TAFA2: variants seen among roughly 807,000 people sequenced by gnomAD.
TAFA2 encodes TAFA chemokine like family member 2, also known as chemokine-like protein TAFA-2.
In TAFA2, 7 loss-of-function variants were observed where a neutral mutation model predicts 18.8. The ratio of observed to expected loss-of-function variants is 0.37; its 90% CI spans 0.21 to 0.70. The LOEUF is 0.70. Ranked by LOEUF, TAFA2 falls within the 30% of genes least tolerant of loss-of-function variation. The pLI is 0.53. For synonymous variants in TAFA2, 60 were observed against 54.2 expected (o/e 1.11, Z -0.47); for missense variants, 122 against 158.1 (o/e 0.77, Z 1.23).
chr12:62,011,901 T>A (rs949760819), intron 1 of TAFA2, among the ~76,000 whole-genome samples: 6 of 152,186 alleles, frequency 3.9e-5, no homozygotes, highest in African/African-American at 1.4e-4. Context: ...TAAAGCTGAC[T>A]TCACATTTGT....
At chr12:62,120,075 TA>T (rs921086668) in intron 1 of TAFA2, among the ~76,000 whole-genome samples, 37 of 146,402 alleles carry the variant, frequency 2.5e-4, no homozygotes, top group African/African-American at 6.5e-4. Flanking sequence ...AAAAAAACAT[TA>T]AAAAAAAAAG....
At chr12:62,235,729 TA>T (rs1290910891) in intron 1 of TAFA2, among the ~76,000 whole-genome samples, 10 of 152,182 alleles carry the variant, frequency 6.6e-5, no homozygotes, top group African/African-American at 1.4e-4. Flanking sequence ...GGATCTATTT[TA>T]GGTTTTTGGA....
intron 1 of TAFA2, among the ~76,000 whole-genome samples, chr12:62,062,723 T>G (rs1473508921): frequency 6.6e-6 from 1 of 152,194 alleles, no homozygotes; most frequent in Non-Finnish European, 1.5e-5. Context: ...GCAGGCTGCA[T>G]TCCTTTCTGG....
chr12:61,729,279 G>T (rs1406219332), intron 4 of TAFA2, among the ~76,000 whole-genome samples: 4 of 151,834 alleles, frequency 2.6e-5, no homozygotes, highest in African/African-American at 9.7e-5. Context: ...TAGATCTCTA[G>T]CAAGACCATG....
chr12:61,921,045 G>A (rs1592487370), intron 1 of TAFA2, among the ~76,000 whole-genome samples: 1 of 152,148 alleles, frequency 6.6e-6, no homozygotes, highest in Non-Finnish European at 1.5e-5. Flanking sequence ...TAGAACAGAA[G>A]AGAAAAGCAG....
intron 1 of TAFA2, among the ~76,000 whole-genome samples, chr12:61,897,519 T>C (rs1875903287): frequency 6.6e-6 from 1 of 152,106 alleles, no homozygotes; most frequent in African/African-American, 2.4e-5. Context: ...GAAGCAGGCA[T>C]GTCTTACATG....
intron 1 of TAFA2, among the ~76,000 whole-genome samples, chr12:62,246,660 A>G (rs2062887827): frequency 6.6e-6 from 1 of 152,294 alleles, no homozygotes; most frequent in East Asian, 1.9e-4. Flanking sequence ...TAGAAACAAA[A>G]AGATTCAGAA....
At chr12:62,199,498 T>A (rs762666557) in intron 1 of TAFA2, among the ~76,000 whole-genome samples, 1 of 152,162 alleles carries the variant, frequency 6.6e-6, no homozygotes, top group Non-Finnish European at 1.5e-5. Flanking sequence ...CTGAGGATAA[T>A]GGCTTTGGGC....
intron 2 of TAFA2, among the ~76,000 whole-genome samples, chr12:61,850,265 T>C (rs568155570): frequency 1.2e-4 from 19 of 152,236 alleles, no homozygotes; most frequent in African/African-American, 4.3e-4. Flanking sequence ...TCTAAGTAAG[T>C]AAGCATTAGC....
At chr12:62,218,551 T>C (rs2062746782) in intron 1 of TAFA2, among the ~76,000 whole-genome samples, 1 of 152,232 alleles carries the variant, frequency 6.6e-6, no homozygotes, top group Non-Finnish European at 1.5e-5. Context: ...TTGCCTCCTG[T>C]GAAAATTCTG....
chr12:62,123,328 A>G (rs565286017), intron 1 of TAFA2, among the ~76,000 whole-genome samples: 1 of 152,230 alleles, frequency 6.6e-6, no homozygotes, highest in East Asian at 1.9e-4. Context: ...AATAATCTCC[A>G]AGAGTTGCTA....
Position 62,113,383 on chromosome 12 carries a change from G to C in TAFA2, c.-2+77876C>G, listed in dbSNP as rs138138567. On this transcript the variant is annotated intron_variant, in intron 1 of 4. Coordinates refer to ENST00000416284, the MANE Select transcript of TAFA2 (RefSeq NM_178539.5). ...CTTCATCCCAGAGAGCCACCCACCA[G>C]ATGCCAGCCAGAGCTCTCCTATATG... Among the ~76,000 whole-genome samples the C allele has an allele frequency of 4.6e-3, 695 of 152,270 alleles. 6 individuals are homozygous for C. Among genetic ancestry groups the C allele is most frequent in the African/African-American group, 0.016 (646 of 41,554 alleles).
chr12:62,209,517 T>C (rs1416377739), intron 1 of TAFA2, among the ~76,000 whole-genome samples: 2 of 152,238 alleles, frequency 1.3e-5, no homozygotes, highest in South Asian at 2.1e-4. Context: ...CTAATACACA[T>C]GTGAAAGTAC....
At chr12:61,786,335 C>A (rs907389460) in intron 2 of TAFA2, among the ~76,000 whole-genome samples, 1 of 151,500 alleles carries the variant, frequency 6.6e-6, no homozygotes, top group Non-Finnish European at 1.5e-5. Context: ...AAAACCATTT[C>A]CAAGTAACCT....
At chr12:62,108,508 G>A (rs1395929715) in intron 1 of TAFA2, among the ~76,000 whole-genome samples, 1 of 152,170 alleles carries the variant, frequency 6.6e-6, no homozygotes, top group African/African-American at 2.4e-5. Context: ...ACCCAGTAAG[G>A]GGATTGCTGG....
chr12:61,804,614 G>A (rs1251607693), intron 2 of TAFA2, among the ~76,000 whole-genome samples: 1 of 152,010 alleles, frequency 6.6e-6, no homozygotes, highest in African/African-American at 2.4e-5. Context: ...TATCAACACT[G>A]TTGAGTCCAG....
At chr12:62,019,855 AATTT>A (rs1881070399) in intron 1 of TAFA2, among the ~76,000 whole-genome samples, 1 of 152,038 alleles carries the variant, frequency 6.6e-6, no homozygotes, top group African/African-American at 2.4e-5. Context: ...AATAAAATAA[AATTT>A]ATGTTTTAAA....
At position 62,192,598 on chromosome 12, in the gene TAFA2, G is replaced by C. The variant is rs575659460; in HGVS notation, c.-1341C>G. The C allele has an allele frequency of 6.6e-6, 1 of 152,658 alleles. No individual in the cohort carries two copies. The highest frequency in any genetic ancestry group is 1.9e-4 in the East Asian group (1 of 5,188). The allele number at this position is 152,658 out of a possible 1,614,324, so 9.5% of individuals were successfully genotyped here. Reference sequence around the variant, plus strand: ...CTAGAACCCTATTCCACCCAGCCTGGCTGTCCAGTGAGTACAGAGTGACTT... The same window carrying C: ...CTAGAACCCTATTCCACCCAGCCTGCCTGTCCAGTGAGTACAGAGTGACTT... On this transcript the variant is annotated 5_prime_UTR_variant, in exon 1 of 5. Transcript: ENST00000416284.
intron 1 of TAFA2, among the ~76,000 whole-genome samples, chr12:62,154,862 C>T (rs2062357523): frequency 6.6e-6 from 1 of 152,068 alleles, no homozygotes; most frequent in South Asian, 2.1e-4. Flanking sequence ...ATGTGATTCA[C>T]AGCATTCCCC....
Sources: gnomAD v4.1 joint callset for allele counts (sites outside exome capture counted in the v4.1 genomes callset) on GRCh38, gnomAD v4.1.1 for gene constraint, MANE v1.5 for transcripts, NCBI Gene and HGNC (gene_info 2026-07-23, HGNC 2026-07-21) for gene names.